RWDD3: variants seen among roughly 807,000 people sequenced by gnomAD.
RWDD3 encodes the protein RWD domain containing 3.
Under a neutral mutation model 26.5 loss-of-function variants are expected in RWDD3, and 30 were observed. The observed-to-expected ratio is 1.13, with a 90% confidence interval of 0.85 to 1.54. The LOEUF is 1.54. Among genes scored for constraint, RWDD3 ranks in the 40% most tolerant of loss-of-function variants. The pLI is 0.00. For missense variants in RWDD3, 296 were observed against 309.1 expected, an observed-to-expected ratio of 0.96 and a Z score of 0.32; for synonymous variants, 113 against 114.5, an observed-to-expected ratio of 0.99 and a Z score of 0.09.
intron 1 of RWDD3, chr1:95,237,452 A>G (rs973065329): frequency 1.6e-5 from 2 of 127,444 alleles, no homozygotes; most frequent in Non-Finnish European, 1.8e-5. Context: ...AGGATCAACT[A>G]TTAAGGCCGT....
chr1:95,234,259 C>G lies in RWDD3; in HGVS notation c.29C>G (p.Ser10Trp). MAEPVQEEL[S>W]VLAAIFCRPH... ...GCGGAGCCTGTGCAGGAGGAGCTCTCGGTCCTGGCCGCGATTTTCTGCAGG... is the reference window on the plus strand; with the variant it reads ...GCGGAGCCTGTGCAGGAGGAGCTCTGGGTCCTGGCCGCGATTTTCTGCAGG... The change falls in exon 1 of 4, where the codon TCG (serine) becomes TGG (tryptophan). Residue 10 changes from serine to tryptophan, a missense_variant. Ser to Trp is a radical substitution (Grantham distance 177). Coordinates refer to ENST00000370202, the MANE Select transcript of RWDD3 (RefSeq NM_015485.5). 1 of 1,597,080 alleles carries G rather than the reference C, an allele frequency of 6.3e-7. No individual in the cohort carries two copies. Among genetic ancestry groups the G allele is most frequent in the Non-Finnish European group, 8.5e-7 (1 of 1,172,386 alleles).
At position 95,234,690 on chromosome 1, in the gene RWDD3, C is replaced by A. The variant is rs547671650; in HGVS notation, c.85+375C>A. Among the ~76,000 whole-genome samples, 4 of 151,284 alleles carry A rather than the reference C, an allele frequency of 2.6e-5. No individual in the cohort carries two copies. The East Asian group carries it at 7.9e-4, about 30-fold the overall frequency. On this transcript the variant is annotated intron_variant, in intron 1 of 3. Coordinates refer to ENST00000370202, the MANE Select transcript of RWDD3 (RefSeq NM_015485.5). ...TTCTGTGTCCTTCCTAAGCACTATG[C>A]CCTAGGCCCCCCCGAGAGCACTCCC...
intron 1 of RWDD3, among the ~76,000 whole-genome samples, chr1:95,235,453 G>T (rs1345610440): frequency 7.4e-6 from 1 of 135,810 alleles, no homozygotes; most frequent in Non-Finnish European, 1.5e-5. Flanking sequence ...CCACCTCCTG[G>T]GTTCACACCA....
intron 1 of RWDD3, among the ~76,000 whole-genome samples, chr1:95,236,546 T>C (rs112941285): frequency 3.7e-4 from 56 of 152,300 alleles, no homozygotes; most frequent in African/African-American, 1.3e-3. Context: ...ATGGAGTTGC[T>C]TTCTTTTTAG....
chr1:95,244,140 GT>G (rs1236335625), intron 1 of RWDD3, 70 bp from the exon 2 acceptor site: 12 of 1,531,944 alleles, frequency 7.8e-6, no homozygotes, highest in Middle Eastern at 1.8e-4. Context: ...TGAGACAAAA[GT>G]TTGAACTTGC....
chr1:95,235,305 G>T (rs957133510), intron 1 of RWDD3, among the ~76,000 whole-genome samples: 27 of 144,216 alleles, frequency 1.9e-4, no homozygotes, highest in African/African-American at 5.1e-4. Context: ...GCCCGCCTCG[G>T]CCTCCGAAAG....
chr1:95,242,497 A>G (rs1680673055), intron 1 of RWDD3, among the ~76,000 whole-genome samples: 1 of 152,228 alleles, frequency 6.6e-6, no homozygotes, highest in Non-Finnish European at 1.5e-5. Flanking sequence ...TGATTATTAG[A>G]AAGTTTATTC....
intron 1 of RWDD3, among the ~76,000 whole-genome samples, chr1:95,235,591 C>T (rs111889186): frequency 1.3e-5 from 2 of 151,720 alleles, no homozygotes; most frequent in African/African-American, 4.8e-5. Flanking sequence ...ATCTCCTGAC[C>T]TCGTGATCCG....
intron 2 of RWDD3, among the ~76,000 whole-genome samples, chr1:95,245,266 T>G (rs1457634295): frequency 6.6e-6 from 1 of 152,240 alleles, no homozygotes; most frequent in Non-Finnish European, 1.5e-5. Context: ...TCCACCTGAC[T>G]TGTCTCAGCA....
At chr1:95,246,490 A>G in intron 2 of RWDD3, 52 bp from the exon 3 acceptor site, 1 of 1,036,834 alleles carries the variant, frequency 9.6e-7, no homozygotes, top group Non-Finnish European at 1.5e-6. Context: ...TAAAACTGGG[A>G]CTTTGAGACT....
At position 95,234,266 on chromosome 1, in the gene RWDD3, G is replaced by T. The variant is rs1680181203; in HGVS notation, c.36G>T (p.Leu12=). The change falls in exon 1 of 4, where the codon CTG becomes CTT. Residue 12 remains leucine, a synonymous_variant. Coordinates refer to ENST00000370202, the MANE Select transcript of RWDD3 (RefSeq NM_015485.5). ...CTGTGCAGGAGGAGCTCTCGGTCCTGGCCGCGATTTTCTGCAGGCCCCACG... is the reference window on the plus strand; with the variant it reads ...CTGTGCAGGAGGAGCTCTCGGTCCTTGCCGCGATTTTCTGCAGGCCCCACG... ...AEPVQEELSV[L]AAIFCRPHEW... 1 of 1,598,794 alleles carries T rather than the reference G, an allele frequency of 6.3e-7. No homozygotes were observed. The highest frequency in any genetic ancestry group is 8.5e-7 in the Non-Finnish European group (1 of 1,173,264).
At chr1:95,246,228 C>T in intron 2 of RWDD3, 1 of 206,996 alleles carries the variant, frequency 4.8e-6, no homozygotes, top group Non-Finnish European at 9.7e-6. Context: ...GTAGATCCTG[C>T]TATTAATTCC....
chr1:95,237,030 G>A (rs1294005347), intron 1 of RWDD3, among the ~76,000 whole-genome samples: 4 of 152,158 alleles, frequency 2.6e-5, no homozygotes, highest in Non-Finnish European at 5.9e-5. Context: ...GCATCAATAA[G>A]TAATTGAATT....
At chr1:95,234,409 C>G in intron 1 of RWDD3, 94 bp downstream of exon 1, 1 of 1,161,132 alleles carries the variant, frequency 8.6e-7, no homozygotes, top group Admixed American at 2.0e-5. Context: ...GGGCACCCCG[C>G]CTGGGCCCAC....
intron 1 of RWDD3, among the ~76,000 whole-genome samples, chr1:95,239,485 G>C (rs1035050630): frequency 1.3e-5 from 2 of 152,132 alleles, no homozygotes; most frequent in Non-Finnish European, 1.5e-5. Context: ...GTTTTTAAAA[G>C]TATGTAATTT....
At chr1:95,242,985 G>A (rs2101116941) in intron 1 of RWDD3, among the ~76,000 whole-genome samples, 1 of 152,162 alleles carries the variant, frequency 6.6e-6, no homozygotes, top group Non-Finnish European at 1.5e-5. Context: ...GGGTTTTGGA[G>A]GAATGTACAA....
At chr1:95,239,164 G>A (rs1215109105) in intron 1 of RWDD3, among the ~76,000 whole-genome samples, 4 of 152,144 alleles carry the variant, frequency 2.6e-5, no homozygotes, top group South Asian at 2.1e-4. Flanking sequence ...TGATCAGTTT[G>A]TGAATTAAGC....
chr1:95,234,571 G>A (rs1177888134), intron 1 of RWDD3, among the ~76,000 whole-genome samples: 1 of 152,018 alleles, frequency 6.6e-6, no homozygotes, highest in African/African-American at 2.4e-5. Context: ...CCCGGAGCCG[G>A]GGGCCCCTGC....
intron 1 of RWDD3, chr1:95,237,236 GC>G (rs1383309808): frequency 6.6e-6 from 1 of 151,410 alleles, no homozygotes; most frequent in East Asian, 1.9e-4. Context: ...CAGTAAACAT[GC>G]AGCAGACTGC....
Sources: allele counts gnomAD v4.1 joint callset (sites outside exome capture counted in the v4.1 genomes callset), GRCh38; gene constraint gnomAD v4.1.1; transcripts MANE v1.5; gene names NCBI Gene and HGNC (gene_info 2026-07-23, HGNC 2026-07-21).